THADA: variants seen among roughly 807,000 people sequenced by gnomAD.
THADA encodes tRNA (32-2'-O)-methyltransferase regulator THADA.
THADA carries 213 observed loss-of-function variants against 219.8 expected under a neutral mutation model. That is an observed-to-expected ratio of 0.97 (90% CI 0.87 to 1.09). The LOEUF (loss-of-function observed/expected upper bound fraction) is 1.09. THADA is among the 50% of genes least tolerant of loss of function. The pLI is 0.00. For synonymous variants in THADA, 1,018 were observed against 828.9 expected, an observed-to-expected ratio of 1.23 and a Z score of -3.92; for missense variants, 2,956 against 2,311.3, an observed-to-expected ratio of 1.28 and a Z score of -5.72.
intron 29 of THADA, among the ~76,000 whole-genome samples, chr2:43,357,646 G>A (rs1396756164): frequency 6.6e-6 from 1 of 152,176 alleles, no homozygotes; most frequent in Non-Finnish European, 1.5e-5. Flanking sequence ...GTTGAAAAGA[G>A]TAAGGGATAG....
intron 36 of THADA, among the ~76,000 whole-genome samples, chr2:43,241,095 T>TA (rs1296402761): frequency 2.0e-5 from 3 of 152,078 alleles, no homozygotes; most frequent in African/African-American, 4.8e-5. Flanking sequence ...TCCTTTTTTT[T>TA]ATGTTTATTT....
chr2:43,467,484 A>G (rs1684399458), intron 26 of THADA, among the ~76,000 whole-genome samples: 1 of 152,214 alleles, frequency 6.6e-6, no homozygotes, highest in Non-Finnish European at 1.5e-5. Context: ...TACTACCATC[A>G]TGAACAATAC....
chr2:43,470,991 T>C (rs935983178), intron 26 of THADA, among the ~76,000 whole-genome samples: 5 of 152,136 alleles, frequency 3.3e-5, no homozygotes, highest in African/African-American at 1.2e-4. Context: ...AGACTGACCG[T>C]AGTAAGAAAA....
chr2:43,490,420 G>C (rs1191422649), intron 25 of THADA, among the ~76,000 whole-genome samples: 1 of 152,108 alleles, frequency 6.6e-6, no homozygotes, highest in Non-Finnish European at 1.5e-5. Context: ...CCTGATTTTA[G>C]AGAGAAAGAT....
chr2:43,293,334 T>A (rs2104373397), intron 31 of THADA, 121 bp from the exon 32 acceptor site: 1 of 1,127,510 alleles, frequency 8.9e-7, no homozygotes, highest in Non-Finnish European at 1.2e-6. Flanking sequence ...ATAAGCAGAT[T>A]TCAAACACTG....
chr2:43,586,344 C>A (rs930670999), intron 7 of THADA, 57 bp downstream of exon 7: 42 of 1,378,012 alleles, frequency 3.0e-5, no homozygotes, highest in Non-Finnish European at 3.4e-5. Context: ...TTTCTTTGTA[C>A]AAAGATAATG....
chr2:43,476,325 G>C (rs999769982), intron 26 of THADA, among the ~76,000 whole-genome samples: 2 of 152,170 alleles, frequency 1.3e-5, no homozygotes, highest in African/African-American at 4.8e-5. Flanking sequence ...ATGATGGCTG[G>C]AACTGAAGCC....
At chr2:43,529,209 G>A (rs950338105) in intron 21 of THADA, among the ~76,000 whole-genome samples, 2 of 151,758 alleles carry the variant, frequency 1.3e-5, no homozygotes, top group Admixed American at 6.6e-5. Context: ...CTGGAGTGCA[G>A]TGGCACAATC....
intron 23 of THADA, among the ~76,000 whole-genome samples, chr2:43,506,817 T>C (rs564230074): frequency 6.9e-4 from 105 of 152,334 alleles, no homozygotes; most frequent in Non-Finnish European, 1.4e-3. Context: ...TTGTAGCTAC[T>C]GGCTCTCAAG....
chr2:43,544,155 T>A (rs986183934), intron 20 of THADA, among the ~76,000 whole-genome samples: 2 of 152,226 alleles, frequency 1.3e-5, no homozygotes, highest in Non-Finnish European at 2.9e-5. Context: ...CTTGTTTTTC[T>A]CAGGTTTGTC....
At position 43,456,232 on chromosome 2, in the gene THADA, T is replaced by C. The variant is rs144961430; in HGVS notation, c.3837-25930A>G. On this transcript the variant is annotated intron_variant, in intron 26 of 37. Coordinates refer to ENST00000405975, the MANE Select transcript of THADA (RefSeq NM_022065.5). ...TTAAAAGTTTAAAAAAAGTCATGCA[T>C]TCAGACAAAGGTAATATTCCACATA... Among the ~76,000 whole-genome samples the C allele has an allele frequency of 3.1e-3, 469 of 152,334 alleles. 4 individuals are homozygous for C. Among genetic ancestry groups the C allele is most frequent in the African/African-American group, 0.011 (456 of 41,574 alleles).
chr2:43,404,224 G>A (rs1408664241), intron 28 of THADA, among the ~76,000 whole-genome samples: 2 of 151,810 alleles, frequency 1.3e-5, no homozygotes, highest in Non-Finnish European at 2.9e-5. Context: ...ACAGGGTCTC[G>A]CTCTGTCACT....
At chr2:43,239,114 T>C (rs541679553) in intron 36 of THADA, among the ~76,000 whole-genome samples, 3 of 152,336 alleles carry the variant, frequency 2.0e-5, no homozygotes, top group South Asian at 2.1e-4. Context: ...GGAAATGTGA[T>C]GGATCAGCAT....
At chr2:43,491,279 G>A (rs909659334) in intron 25 of THADA, among the ~76,000 whole-genome samples, 1 of 152,188 alleles carries the variant, frequency 6.6e-6, no homozygotes, top group Non-Finnish European at 1.5e-5. Context: ...CAATCTTAAT[G>A]TGAGTAATAC....
At chr2:43,560,133 G>T in intron 16 of THADA, 101 bp downstream of exon 16, 2 of 976,604 alleles carry the variant, frequency 2.0e-6, no homozygotes, top group Non-Finnish European at 2.9e-6. Flanking sequence ...AAAAACATGA[G>T]CAGGCAGATG....
intron 30 of THADA, among the ~76,000 whole-genome samples, chr2:43,328,375 T>C (rs1348156826): frequency 6.6e-6 from 1 of 152,212 alleles, no homozygotes; most frequent in Non-Finnish European, 1.5e-5. Context: ...AGTTGCATTT[T>C]TATGGTATGC....
At chr2:43,438,719 G>C (rs983352683) in intron 26 of THADA, among the ~76,000 whole-genome samples, 1 of 152,154 alleles carries the variant, frequency 6.6e-6, no homozygotes, top group African/African-American at 2.4e-5. Context: ...CCTTATCTGA[G>C]GGGATACATT....
At chr2:43,318,411 C>T (rs1208271740) in intron 31 of THADA, among the ~76,000 whole-genome samples, 1 of 151,986 alleles carries the variant, frequency 6.6e-6, no homozygotes, top group Non-Finnish European at 1.5e-5. Flanking sequence ...AAATTTAATC[C>T]AGTATGTCAA....
chr2:43,252,001 C>G (rs1669850197), intron 36 of THADA, among the ~76,000 whole-genome samples: 1 of 152,170 alleles, frequency 6.6e-6, no homozygotes, highest in Non-Finnish European at 1.5e-5. Flanking sequence ...GAGTCTCTGA[C>G]TTGGACGGAA....
Sources: allele counts gnomAD v4.1 joint callset (sites outside exome capture counted in the v4.1 genomes callset), GRCh38; gene constraint gnomAD v4.1.1; transcripts MANE v1.5; gene names NCBI Gene and HGNC (gene_info 2026-07-23, HGNC 2026-07-21).